Variants in CCDC73 observed in about 807,000 individuals in gnomAD.
The protein encoded by CCDC73 is coiled-coil domain-containing protein 73.
A neutral mutation model predicts 116.5 loss-of-function variants in CCDC73; 95 were observed. The observed-to-expected ratio is 0.82, with a 90% confidence interval of 0.69 to 0.97. The LOEUF (loss-of-function observed/expected upper bound fraction) is 0.97. Ranked by LOEUF, CCDC73 falls within the 50% of genes least tolerant of loss-of-function variation. CCDC73 has a pLI of 0.00. For synonymous variants in CCDC73, 398 were observed against 401.3 expected, an observed-to-expected ratio of 0.99 and a Z score of 0.10; for missense variants, 1,066 against 1,206.8, an observed-to-expected ratio of 0.88 and a Z score of 1.73.
chr11:32,787,417 A>G (rs1397460145), intron 1 of CCDC73, among the ~76,000 whole-genome samples: 2 of 152,232 alleles, frequency 1.3e-5, no homozygotes, highest in Non-Finnish European at 2.9e-5. Context: ...TAGCTAAAAC[A>G]TTCAAAGAAT....
chr11:32,622,770 C>T (rs767071473), intron 14 of CCDC73, among the ~76,000 whole-genome samples: 1 of 150,518 alleles, frequency 6.6e-6, no homozygotes, highest in South Asian at 2.1e-4. Flanking sequence ...ATATAATACA[C>T]ACAGTGCATA....
At chr11:32,607,848 C>CATGACTT (rs1471360161) in intron 17 of CCDC73, among the ~76,000 whole-genome samples, 1 of 152,150 alleles carries the variant, frequency 6.6e-6, no homozygotes, top group Non-Finnish European at 1.5e-5. Context: ...TACAGTTTCA[C>CATGACTT]ATGACTGGGG....
intron 3 of CCDC73, among the ~76,000 whole-genome samples, chr11:32,712,906 C>T (rs1849914753): frequency 6.6e-6 from 1 of 151,940 alleles, no homozygotes. Flanking sequence ...AGAGCACCTA[C>T]CAAACTTTCT....
intron 2 of CCDC73, among the ~76,000 whole-genome samples, chr11:32,754,371 C>T (rs1179222216): frequency 6.6e-6 from 1 of 151,728 alleles, no homozygotes; most frequent in Non-Finnish European, 1.5e-5. Flanking sequence ...TACAGAGAGG[C>T]AAATAGGAAG....
chr11:32,668,142 T>A lies in CCDC73; in HGVS notation c.645+7423A>T, dbSNP rs868712495. ...AGGCACTGTTACCTATTACTTCTAC[T>A]AAGCCGAATTCAAGGGATTCTGTAA... On this transcript the variant is annotated intron_variant, in intron 9 of 17. Transcript: ENST00000335185. Among the ~76,000 whole-genome samples the A allele has an allele frequency of 2.0e-5, 3 of 152,240 alleles. No homozygotes were observed. In the South Asian group the frequency reaches 6.2e-4, roughly 32 times the overall value.
intron 3 of CCDC73, among the ~76,000 whole-genome samples, chr11:32,710,506 T>C (rs1352880910): frequency 1.3e-5 from 2 of 152,200 alleles, no homozygotes; most frequent in African/African-American, 2.4e-5. Context: ...AGGGTTCCTT[T>C]TGGAGTTGAT....
intron 14 of CCDC73, among the ~76,000 whole-genome samples, chr11:32,629,148 A>T (rs970930124): frequency 6.6e-6 from 1 of 152,214 alleles, no homozygotes; most frequent in Admixed American, 6.5e-5. Flanking sequence ...CTGAAAAAAT[A>T]TGCAGTAGAT....
intron 1 of CCDC73, among the ~76,000 whole-genome samples, chr11:32,790,195 A>T (rs1405187490): frequency 6.6e-6 from 1 of 152,206 alleles, no homozygotes; most frequent in African/African-American, 2.4e-5. Context: ...ACCATCACAT[A>T]TTCTGCTCTA....
At chr11:32,694,910 G>A (rs930192290) in intron 6 of CCDC73, among the ~76,000 whole-genome samples, 9 of 152,192 alleles carry the variant, frequency 5.9e-5, no homozygotes, top group African/African-American at 2.2e-4. Context: ...GCCGCAGTGT[G>A]TCCAGAGGCT....
At chr11:32,816,309 C>G in the CCDC73 span, among the ~76,000 whole-genome samples, 1 of 152,194 alleles carries the variant, frequency 6.6e-6, no homozygotes, top group African/African-American at 2.4e-5. Context: ...TAGGGATTCT[C>G]ATGTTGCCCA....
chr11:32,700,658 T>C (rs1462592468), intron 5 of CCDC73, 133 bp downstream of exon 5: 1 of 479,354 alleles, frequency 2.1e-6, no homozygotes, highest in Non-Finnish European at 3.8e-6. Flanking sequence ...ACCATCTCTA[T>C]TAGTTTGTTA....
intron 2 of CCDC73, among the ~76,000 whole-genome samples, chr11:32,758,018 G>A (rs191444791): frequency 7.2e-5 from 11 of 152,256 alleles, no homozygotes; most frequent in African/African-American, 1.4e-4. Context: ...CAAGTATTAC[G>A]TATGTTTGAA....
At chr11:32,774,414 C>A (rs1226909142) in intron 1 of CCDC73, among the ~76,000 whole-genome samples, 10 of 152,116 alleles carry the variant, frequency 6.6e-5, no homozygotes, top group Non-Finnish European at 1.2e-4. Flanking sequence ...CCTTTTTATG[C>A]ATTTTAATGA....
the CCDC73 span, among the ~76,000 whole-genome samples, chr11:32,823,830 C>T: frequency 1.3e-5 from 2 of 152,126 alleles, no homozygotes; most frequent in African/African-American, 4.8e-5. Context: ...GCCCTGATCT[C>T]CTGGGCCCAA....
At chr11:32,703,038 T>C (rs1313800273) in intron 3 of CCDC73, 94 bp from the exon 4 acceptor site, 32 of 831,918 alleles carry the variant, frequency 3.8e-5, no homozygotes, top group Non-Finnish European at 6.1e-5. Context: ...AAGTCAACCA[T>C]ACCTTCTACA....
chr11:32,801,812 G>A, the CCDC73 span, among the ~76,000 whole-genome samples: 4 of 152,142 alleles, frequency 2.6e-5, no homozygotes, highest in African/African-American at 9.7e-5. Flanking sequence ...AGTCAAAAGG[G>A]CAACTGGAAA....
At chr11:32,606,006 T>C (rs557257246) in intron 17 of CCDC73, 52 of 111,544 alleles carry the variant, frequency 4.7e-4, no homozygotes, top group African/African-American at 1.7e-3. Flanking sequence ...TCTAATTCAT[T>C]GGATATATAA....
At chr11:32,802,691 A>G in the CCDC73 span, among the ~76,000 whole-genome samples, 7 of 152,200 alleles carry the variant, frequency 4.6e-5, no homozygotes, top group Admixed American at 6.5e-5. Context: ...AACTACTGCT[A>G]TGGAGGAGAA....
chr11:32,722,062 G>C (rs758412360), intron 2 of CCDC73, among the ~76,000 whole-genome samples: 4 of 152,172 alleles, frequency 2.6e-5, no homozygotes, highest in Non-Finnish European at 5.9e-5. Flanking sequence ...ATGGGAGTTA[G>C]CATCTCACAT....
Sources: allele counts gnomAD v4.1 joint callset (sites outside exome capture counted in the v4.1 genomes callset), GRCh38; gene constraint gnomAD v4.1.1; transcripts MANE v1.5; gene names NCBI Gene and HGNC (gene_info 2026-07-23, HGNC 2026-07-21).